GPR160: variants seen among roughly 807,000 people sequenced by gnomAD.
GPR160 encodes probable G protein-coupled receptor 160.
In GPR160, 2 loss-of-function variants were observed where a neutral mutation model predicts 2.6. The ratio of observed to expected loss-of-function variants is 0.77; its 90% CI spans 0.32 to 2.44. The LOEUF is 2.44. GPR160 is among the 30% of genes most tolerant of loss of function. GPR160 has a pLI of 0.11. For synonymous variants in GPR160, 130 were observed against 132.2 expected (o/e 0.98, Z 0.12); for missense variants, 351 against 383.6 (o/e 0.91, Z 0.71).
At chr3:170,052,928 C>T (rs1013016383) in intron 2 of GPR160, among the ~76,000 whole-genome samples, 15 of 151,852 alleles carry the variant, frequency 9.9e-5, no homozygotes, top group Admixed American at 3.3e-4. Context: ...TTTTTTCATA[C>T]GGTTATCCAG....
intron 2 of GPR160, among the ~76,000 whole-genome samples, chr3:170,043,172 T>G (rs1716538359): frequency 1.3e-5 from 2 of 151,426 alleles, no homozygotes; most frequent in African/African-American, 4.9e-5. Context: ...TTCACACACA[T>G]TTTTGTTTTT....
At chr3:170,068,182 G>A (rs1712437067) in intron 2 of GPR160, among the ~76,000 whole-genome samples, 1 of 152,136 alleles carries the variant, frequency 6.6e-6, no homozygotes, top group Non-Finnish European at 1.5e-5. Context: ...GTCTTGCTCT[G>A]TCACCCAGCT....
At chr3:170,054,097 TTGTG>T (rs35080259) in intron 2 of GPR160, among the ~76,000 whole-genome samples, 2 of 150,274 alleles carry the variant, frequency 1.3e-5, no homozygotes, top group African/African-American at 4.9e-5. Context: ...AAAGCAGCGT[TTGTG>T]TGTGTGTGTG....
At chr3:170,073,881 A>ATTTTTTTT (rs35575462) in intron 2 of GPR160, among the ~76,000 whole-genome samples, 15 of 81,876 alleles carry the variant, frequency 1.8e-4, no homozygotes, top group African/African-American at 2.4e-4. Context: ...TTTAATAGGG[A>ATTTTTTTT]TTTTTTTTTT....
intron 2 of GPR160, among the ~76,000 whole-genome samples, chr3:170,049,637 G>T (rs1002686796): frequency 6.6e-6 from 1 of 152,152 alleles, no homozygotes; most frequent in Non-Finnish European, 1.5e-5. Flanking sequence ...TTCGCATCAC[G>T]CCTCCAGGGC....
intron 2 of GPR160, among the ~76,000 whole-genome samples, chr3:170,063,751 C>T (rs1325195317): frequency 1.3e-5 from 2 of 152,002 alleles, no homozygotes; most frequent in Admixed American, 6.6e-5. Context: ...TGGACAGGCG[C>T]TCTTTGAAGT....
chr3:170,052,711 A>G (rs991626687), intron 2 of GPR160, among the ~76,000 whole-genome samples: 18 of 152,184 alleles, frequency 1.2e-4, no homozygotes, highest in African/African-American at 4.3e-4. Flanking sequence ...TCTTATGATG[A>G]ACAGAAGAAT....
chr3:170,070,030 C>T (rs1712517500), intron 2 of GPR160, among the ~76,000 whole-genome samples: 1 of 152,218 alleles, frequency 6.6e-6, no homozygotes, highest in African/African-American at 2.4e-5. Context: ...TTTAAAGGTC[C>T]TATCTCCAAA....
At chr3:170,053,971 T>A (rs1398170081) in intron 2 of GPR160, among the ~76,000 whole-genome samples, 2 of 151,944 alleles carry the variant, frequency 1.3e-5, no homozygotes, top group African/African-American at 4.8e-5. Flanking sequence ...TTTTTTTTTT[T>A]AATTACTCAG....
chr3:170,055,339 G>T (rs542698653), intron 2 of GPR160, among the ~76,000 whole-genome samples: 1 of 152,144 alleles, frequency 6.6e-6, no homozygotes, highest in African/African-American at 2.4e-5. Flanking sequence ...ATCTCCCTTA[G>T]GTGGTTGTTC....
At chr3:170,083,354 A>ATTAT (rs1713235050) in intron 3 of GPR160, 1 of 152,064 alleles carries the variant, frequency 6.6e-6, no homozygotes, top group African/African-American at 2.4e-5. Flanking sequence ...CTATGTTCTC[A>ATTAT]TTATTTTTAG....
chr3:170,043,783 G>A (rs556221395), intron 2 of GPR160, among the ~76,000 whole-genome samples: 23 of 152,028 alleles, frequency 1.5e-4, no homozygotes, highest in Admixed American at 1.0e-3. Context: ...ATGTTCTGTC[G>A]GGCCAGCATA....
intron 2 of GPR160, among the ~76,000 whole-genome samples, chr3:170,052,793 TTACTC>T (rs1393264452): frequency 6.6e-6 from 1 of 152,202 alleles, no homozygotes; most frequent in Admixed American, 6.5e-5. Flanking sequence ...TGAGAATTCT[TTACTC>T]TAAGGTTGCA....
intron 2 of GPR160, 44 bp from the exon 3 acceptor site, chr3:170,079,730 T>C (rs1713033842): frequency 6.6e-6 from 1 of 152,252 alleles, no homozygotes; most frequent in Non-Finnish European, 1.5e-5. Context: ...GCTATTAAGA[T>C]AGCTCTTAAT....
chr3:170,067,612 G>T (rs907149359), intron 2 of GPR160, among the ~76,000 whole-genome samples: 3 of 151,830 alleles, frequency 2.0e-5, no homozygotes, highest in African/African-American at 7.3e-5. Context: ...GCTCCAATAG[G>T]CCCCTTCCAT....
In GPR160 at chr3:170,084,763, T is replaced by C; in HGVS notation, c.791T>C (p.Leu264Ser). 6.2e-7 allele frequency: 1 copy of C among 1,608,500 alleles called. No individual in the cohort carries two copies. The highest frequency in any genetic ancestry group is 1.7e-5 in the Admixed American group (1 of 59,942). Residue 264 changes from leucine to serine, a missense_variant, in exon 4 of 4, where the codon TTA becomes TCA. Leu to Ser is a moderately radical substitution (Grantham distance 145). Transcript: ENST00000355897. Reference protein sequence around the residue: ...PFVLLQVIIVLLKVQIPAYIE... With the variant: ...PFVLLQVIIVSLKVQIPAYIE... ...GTACTACTTCAGGTAATCATTGTTTTACTTAAAGTTCAGATTCCAGCATAT... is the reference window on the plus strand; with the variant it reads ...GTACTACTTCAGGTAATCATTGTTTCACTTAAAGTTCAGATTCCAGCATAT...
intron 2 of GPR160, among the ~76,000 whole-genome samples, chr3:170,043,967 CTTTTT>C (rs11348576): frequency 6.9e-6 from 1 of 145,082 alleles, no homozygotes; most frequent in Non-Finnish European, 1.5e-5. Flanking sequence ...TGAGATTGTA[CTTTTT>C]TTTTTTTTTA....
intron 2 of GPR160, among the ~76,000 whole-genome samples, chr3:170,079,551 G>A (rs1357913595): frequency 6.6e-5 from 10 of 152,156 alleles, no homozygotes; most frequent in African/African-American, 1.9e-4. Flanking sequence ...AGTAAATGTG[G>A]TGTATGCATC....
chr3:170,074,006 AGTCTCTG>A (rs1712730619), intron 2 of GPR160, among the ~76,000 whole-genome samples: 1 of 148,204 alleles, frequency 6.7e-6, no homozygotes, highest in East Asian at 2.0e-4. Flanking sequence ...CTCCTGCCTC[AGTCTCTG>A]GAGCAGCAGG....
Sources: allele counts gnomAD v4.1 joint callset (sites outside exome capture counted in the v4.1 genomes callset), GRCh38; gene constraint gnomAD v4.1.1; transcripts MANE v1.5; gene names NCBI Gene and HGNC (gene_info 2026-07-23, HGNC 2026-07-21).